The following PITPNM3 variants were observed in gnomAD, a reference collection of about 807,000 sequenced individuals.
The protein encoded by PITPNM3 is PITPNM family member 3, also known as membrane-associated phosphatidylinositol transfer protein 3.
Under a neutral mutation model 102.0 loss-of-function variants are expected in PITPNM3, and 26 were observed. The ratio of observed to expected loss-of-function variants is 0.25; its 90% confidence interval spans 0.19 to 0.35. The LOEUF is 0.35. PITPNM3 is among the 10% of genes least tolerant of loss of function. The pLI, the probability that PITPNM3 is intolerant of heterozygous loss-of-function variation, is 1.00. For synonymous variants in PITPNM3, 578 were observed against 558.6 expected (o/e 1.03, Z -0.49); for missense variants, 1,083 against 1,346.1 (o/e 0.80, Z 3.06).
rs891197961 is a variant in PITPNM3 at position 6,503,547 on chromosome 17, C to T, written c.254G>A (p.Ser85Asn). The T allele has an allele frequency of 1.2e-6, 2 of 1,612,370 alleles. No individual in the cohort carries two copies. The highest frequency in any genetic ancestry group is 1.7e-4 in the Middle Eastern group (1 of 5,998). ...CTCACGCTGCTTCTCCTGGAGGATG[C>T]TGGATGTGCACGGCGCGGTCCCTTC... Reference protein sequence around the residue: ...QGEGTAPCTSSILQEKQRELY... With the variant: ...QGEGTAPCTSNILQEKQRELY... The change falls in exon 4 of 20, where the codon AGC becomes AAC. Residue 85 changes from serine to asparagine, a missense_variant. Physicochemically the swap from Ser to Asn is conservative, Grantham distance 46. This residue lies in a region of PITPNM3 where 290 missense variants were observed against 337.8 expected (regional missense o/e 0.86). Coordinates refer to ENST00000262483, the MANE Select transcript of PITPNM3 (RefSeq NM_031220.4).
At position 6,537,165 on chromosome 17, in the gene PITPNM3, C is replaced by T. The variant is rs1909482814; in HGVS notation, c.118+822G>A. On this transcript the variant is annotated intron_variant, in intron 2 of 19. Coordinates refer to ENST00000262483, the MANE Select transcript of PITPNM3 (RefSeq NM_031220.4). This position sits in a 1 kb window ranked among gnomAD's most constrained non-coding sequence, Gnocchi z 4.4. The stretch of plus-strand genomic sequence containing the variant: ...GGAAGAGATGCAGAGGTCATTTCCC[C>T]ACCCTCCTTGTCCCTCACCTGAACA... Among the ~76,000 whole-genome samples, 2 of 152,110 alleles carry T rather than the reference C, an allele frequency of 1.3e-5. No homozygotes were observed. Among genetic ancestry groups the T allele is most frequent in the African/African-American group, 4.8e-5 (2 of 41,412 alleles).
chr17:6,461,484 C>T lies in PITPNM3; in HGVS notation c.2379G>A (p.Val793=), dbSNP rs747932021. 6 of 1,614,114 alleles carry T rather than the reference C, an allele frequency of 3.7e-6. No individual in the cohort carries two copies. Among genetic ancestry groups the T allele is most frequent in the Admixed American group, 3.3e-5 (2 of 60,018 alleles). ...GGAAGTTGTGCTGGGACAGCCACGA[C>T]ACCACCCGCTGCTTCTGCATGTCCG... ...GRPDMQKQRV[V]SWLSQHNFPQ... The change falls in exon 18 of 20, where the codon GTG becomes GTA. Residue 793 remains valine, a synonymous_variant. Transcript: ENST00000262483.
chr17:6,482,040 G>C (rs373652166), intron 6 of PITPNM3, among the ~76,000 whole-genome samples: 3,598 of 54,654 alleles, frequency 0.066, 174 homozygotes, highest in Non-Finnish European at 0.1. Context: ...CTCTCTGTCT[G>C]TCTCTCTCTC....
At position 6,471,371 on chromosome 17, in the gene PITPNM3, C is replaced by A. The variant is rs975977771; in HGVS notation, c.1430-16G>T. 27 of 1,565,086 alleles carry A rather than the reference C, an allele frequency of 1.7e-5. No homozygotes were observed. Among genetic ancestry groups the A allele is most frequent in the African/African-American group, 2.7e-5 (2 of 74,300 alleles). ...AGGGCATCAGCTGGAGGGGGAATTT[C>A]AAGGTCAGGCTGAGTCACGTGTCTC... On this transcript the variant is annotated splice_polypyrimidine_tract_variant and intron_variant, in intron 11 of 19. Coordinates refer to ENST00000262483, the MANE Select transcript of PITPNM3 (RefSeq NM_031220.4).
Position 6,455,193 on chromosome 17 carries a change from T to C in PITPNM3, c.*145A>G, listed in dbSNP as rs940880810. The C allele has an allele frequency of 1.1e-5, 13 of 1,134,918 alleles. No homozygotes were observed. Among genetic ancestry groups the C allele is most frequent in the Non-Finnish European group, 1.6e-5 (13 of 833,754 alleles). 70.3% of individuals were successfully genotyped at this position (1,134,918 alleles called of 1,614,324 possible). ...GCCCCCCGGGCTCGGGCAGGATCCC[T>C]CCCCGCTCTGGTCGGACACTGCTGG... On this transcript the variant is annotated 3_prime_UTR_variant, in exon 20 of 20. Transcript: ENST00000262483.
At chr17:6,540,680 CA>C (rs1297487763) in intron 1 of PITPNM3, among the ~76,000 whole-genome samples, 1 of 152,094 alleles carries the variant, frequency 6.6e-6, no homozygotes, top group African/African-American at 2.4e-5. Context: ...GTTTTTGAAA[CA>C]GAGTTTTGCT....
At chr17:6,540,658 GTGTTT>G (rs1223867266) in intron 1 of PITPNM3, among the ~76,000 whole-genome samples, 1 of 152,006 alleles carries the variant, frequency 6.6e-6, no homozygotes, top group Non-Finnish European at 1.5e-5. Context: ...ACCTGCCTTG[GTGTTT>G]TGTTTTGTTT....
chr17:6,553,537 A>AT (rs1597425218), intron 1 of PITPNM3, among the ~76,000 whole-genome samples: 1 of 152,144 alleles, frequency 6.6e-6, no homozygotes, highest in East Asian at 1.9e-4. Context: ...CAGGGGTATT[A>AT]TTCACTAGAC....
rs1008761194 is a variant in PITPNM3, at chr17:6,453,131, C to T, written c.*2207G>A. The T allele has an allele frequency of 9.2e-5, 13 of 140,900 alleles. No homozygotes were observed. Among genetic ancestry groups the T allele is most frequent in the Admixed American group, 8.2e-4 (12 of 14,668 alleles). The allele number at this position is 140,900 out of a possible 1,614,324, so 8.7% of individuals were successfully genotyped here. On this transcript the variant is annotated 3_prime_UTR_variant, in exon 20 of 20. Transcript: ENST00000262483. ...TCTCTCTCTTTCTCTCTCCCTCTCT[C>T]TCTCTCTCTCTCCCTCTCTCTCTTT...
intron 1 of PITPNM3, among the ~76,000 whole-genome samples, chr17:6,548,355 G>A (rs1910138152): frequency 6.6e-6 from 1 of 152,164 alleles, no homozygotes; most frequent in Non-Finnish European, 1.5e-5. Context: ...ATATAAGAAG[G>A]AAACACAGAG....
At chr17:6,461,092 T>A (rs1904423046) in intron 18 of PITPNM3, 1 of 516,232 alleles carries the variant, frequency 1.9e-6, no homozygotes. Flanking sequence ...AAATGTCTAT[T>A]GGATGAATGG....
chr17:6,556,441 GCT>G lies in PITPNM3; in HGVS notation c.-37_-36del. 8.2e-7 allele frequency: 1 copy of G among 1,224,908 alleles called. No individual in the cohort carries two copies. Among genetic ancestry groups the G allele is most frequent in the South Asian group, 2.9e-5 (1 of 34,714 alleles). 75.9% of individuals were successfully genotyped at this position (1,224,908 alleles called of 1,614,324 possible). On this transcript the variant is annotated 5_prime_UTR_variant, in exon 1 of 20. Transcript: ENST00000262483. The surrounding 1 kb of genome is among the most constrained non-coding windows in gnomAD (Gnocchi z 5.2). Reference sequence around the variant, plus strand: ...GGCGGGCTCCGGCGGCGCTACGCGCGCTCCTCGCGCTTCCCGGGCCCGGCCCC... The same window carrying G: ...GGCGGGCTCCGGCGGCGCTACGCGCGCCTCGCGCTTCCCGGGCCCGGCCCC...
At position 6,472,876 on chromosome 17, in the gene PITPNM3, C is replaced by T. The variant is rs769292526; in HGVS notation, c.1259-49G>A. On this transcript the variant is annotated intron_variant, in intron 10 of 19. Coordinates refer to ENST00000262483, the MANE Select transcript of PITPNM3 (RefSeq NM_031220.4). This position sits in a 1 kb window ranked among gnomAD's most constrained non-coding sequence, Gnocchi z 4.1. The stretch of plus-strand genomic sequence containing the variant: ...GGAAGCCACTTTCTAGTACCTGCTC[C>T]CTGGGCCCTAGGAGGCTCCCTGGAA... The T allele has an allele frequency of 1.0e-5, 16 of 1,604,504 alleles. No individual in the cohort carries two copies. Among genetic ancestry groups the T allele is most frequent in the Middle Eastern group, 1.7e-4 (1 of 6,048 alleles).
intron 3 of PITPNM3, among the ~76,000 whole-genome samples, chr17:6,507,565 C>T (rs573377352): frequency 2.2e-4 from 33 of 151,028 alleles, no homozygotes; most frequent in Admixed American, 9.9e-4. Context: ...GCCTGGGCAA[C>T]GGAGTGAGAC....
intron 2 of PITPNM3, among the ~76,000 whole-genome samples, chr17:6,532,403 C>T (rs938502227): frequency 2.0e-5 from 3 of 152,124 alleles, no homozygotes; most frequent in Non-Finnish European, 4.4e-5. Flanking sequence ...GACATATGTA[C>T]ATACCTGTAA....
In PITPNM3 at chr17:6,507,251, C is replaced by T. The variant is rs568806274; in HGVS notation, c.227-3677G>A. On this transcript the variant is annotated intron_variant, in intron 3 of 19. Transcript: ENST00000262483. ...CATGTGAGAGCCGCCCACCAAGTAC[C>T]CCCACACATATGCACTGTCCCGTCA... is the stretch of plus-strand genomic sequence containing the variant. Among the ~76,000 whole-genome samples, 3 of 152,148 alleles carry T rather than the reference C, an allele frequency of 2.0e-5. No individual in the cohort carries two copies. In the East Asian group the frequency reaches 5.9e-4, roughly 30 times the overall value.
In PITPNM3 at chr17:6,537,949, G is replaced by T. The variant is rs769849082; in HGVS notation, c.118+38C>A. The T allele has an allele frequency of 6.4e-7, 1 of 1,552,608 alleles. No individual in the cohort carries two copies. Among genetic ancestry groups the T allele is most frequent in the Middle Eastern group, 1.7e-4 (1 of 5,940 alleles). On this transcript the variant is annotated intron_variant, in intron 2 of 19. Transcript: ENST00000262483. The surrounding 1 kb of genome is among the most constrained non-coding windows in gnomAD (Gnocchi z 4.4). Reference sequence around the variant, plus strand: ...TCTTCTTCTTGAGGCTTCTAGGAAGGTCACCCAGCCAGTGATATGAGACTG... The same window carrying T: ...TCTTCTTCTTGAGGCTTCTAGGAAGTTCACCCAGCCAGTGATATGAGACTG...
At chr17:6,544,225 C>T (rs1236981819) in intron 1 of PITPNM3, among the ~76,000 whole-genome samples, 1 of 152,176 alleles carries the variant, frequency 6.6e-6, no homozygotes, top group Non-Finnish European at 1.5e-5. Context: ...CAATCTGTGC[C>T]TCAGAAGAAG....
chr17:6,470,368 G>A lies in PITPNM3; in HGVS notation c.1665C>T (p.Ala555=). The A allele has an allele frequency of 1.2e-6, 2 of 1,614,190 alleles. No individual in the cohort carries two copies. Among genetic ancestry groups the A allele is most frequent in the Non-Finnish European group, 8.5e-7 (1 of 1,180,030 alleles). ...CCGTGAGGACATCAGGGCAGTACAG[G>A]GCATAGTCGATCCTCTTGCTTCCCC... is the stretch of plus-strand genomic sequence containing the variant. ...KWWGSKRIDY[A]LYCPDVLTAF... The change falls in exon 13 of 20, where the codon GCC becomes GCT. Residue 555 remains alanine, a synonymous_variant. Transcript: ENST00000262483. This position sits in a 1 kb window ranked among gnomAD's most constrained non-coding sequence, Gnocchi z 4.8.
Sources: allele counts gnomAD v4.1 joint callset (sites outside exome capture counted in the v4.1 genomes callset), GRCh38; gene constraint gnomAD v4.1.1; regional missense constraint gnomAD v4.1.1; non-coding constraint Gnocchi (gnomAD v3.1); transcripts MANE v1.5; gene names NCBI Gene and HGNC (gene_info 2026-07-23, HGNC 2026-07-21).